LRRC63: variants seen among roughly 807,000 people sequenced by gnomAD.
The protein encoded by LRRC63 is leucine rich repeat containing 63.
Under a neutral mutation model 49.5 loss-of-function variants are expected in LRRC63, and 40 were observed. The observed-to-expected ratio is 0.81, with a 90% CI of 0.63 to 1.05. The LOEUF is 1.05. LRRC63 is among the 50% of genes least tolerant of loss of function. The pLI, the probability that LRRC63 is intolerant of heterozygous loss-of-function variation, is 0.00. For synonymous variants in LRRC63, 191 were observed against 221.1 expected (o/e 0.86, Z 1.21); for missense variants, 636 against 663.1 (o/e 0.96, Z 0.45).
rs1235161228 is a variant in LRRC63, at chr13:46,264,436, A to AG, written c.1311-2297_1311-2296insG. On this transcript the variant is annotated intron_variant, in intron 8 of 9. Transcript: ENST00000595396. ...CCTCATGGTTTTTATTTATTTATTT[A>AG]TTTAGTTAGTTAGTTAGTTTTGAAT... Among the ~76,000 whole-genome samples, 519 of 149,050 alleles carry AG rather than the reference A, an allele frequency of 3.5e-3. 5 individuals are homozygous for AG. The highest frequency in any genetic ancestry group is 0.012 in the African/African-American group (476 of 38,978).
chr13:46,256,936 A>C (rs1575728), intron 7 of LRRC63, among the ~76,000 whole-genome samples: 53,083 of 152,050 alleles, frequency 0.35, 9,946 homozygotes, highest in African/African-American at 0.48. Flanking sequence ...AATATGTTAT[A>C]TTACATGGCA....
At chr13:46,274,004 A>G (rs1269657724) in intron 9 of LRRC63, among the ~76,000 whole-genome samples, 1 of 152,114 alleles carries the variant, frequency 6.6e-6, no homozygotes, top group Non-Finnish European at 1.5e-5. Flanking sequence ...ATGCATTGGA[A>G]GTTTTTTTCT....
At chr13:46,242,477 G>GA (rs199736531) in intron 5 of LRRC63, among the ~76,000 whole-genome samples, 59 of 151,296 alleles carry the variant, frequency 3.9e-4, no homozygotes, top group African/African-American at 1.1e-3. Context: ...GCTAAATTTA[G>GA]AAAAAAAAGA....
chr13:46,274,212 T>G (rs2047800126), intron 9 of LRRC63, among the ~76,000 whole-genome samples: 1 of 152,058 alleles, frequency 6.6e-6, no homozygotes, highest in South Asian at 2.1e-4. Context: ...GAGGTAAAAT[T>G]AACATACCTA....
At chr13:46,213,755 C>T (rs2046165851) in intron 2 of LRRC63, among the ~76,000 whole-genome samples, 1 of 152,054 alleles carries the variant, frequency 6.6e-6, no homozygotes, top group Admixed American at 6.6e-5. Flanking sequence ...AAATATAAAA[C>T]AAAATTAGTG....
intron 4 of LRRC63, among the ~76,000 whole-genome samples, chr13:46,232,324 TGCTA>T (rs1262859498): frequency 2.0e-5 from 3 of 152,210 alleles, no homozygotes; most frequent in Non-Finnish European, 4.4e-5. Flanking sequence ...ACTCCAAGGT[TGCTA>T]GCTAATTGTA....
chr13:46,233,082 G>A (rs757978199), intron 4 of LRRC63, among the ~76,000 whole-genome samples: 70 of 152,020 alleles, frequency 4.6e-4, no homozygotes, highest in Non-Finnish European at 7.4e-4. Context: ...ATTAACTTCC[G>A]GGTGTCTTCC....
intron 5 of LRRC63, among the ~76,000 whole-genome samples, chr13:46,239,507 C>T (rs1258791318): frequency 1.3e-5 from 2 of 152,074 alleles, no homozygotes; most frequent in Admixed American, 6.6e-5. Flanking sequence ...AGCCCACCAA[C>T]CAAAAAAAGC....
At chr13:46,230,605 C>T (rs565699319) in intron 4 of LRRC63, among the ~76,000 whole-genome samples, 1 of 152,246 alleles carries the variant, frequency 6.6e-6, no homozygotes, top group African/African-American at 2.4e-5. Flanking sequence ...GGAGGGGCTG[C>T]CACAATGGTC....
In LRRC63 at chr13:46,226,571, A is replaced by G. The variant is rs983529500; in HGVS notation, c.86-941A>G. On this transcript the variant is annotated intron_variant, in intron 2 of 9. Coordinates refer to ENST00000595396, the Ensembl canonical transcript of LRRC63. Reference sequence around the variant, plus strand: ...AGATGTTACTTTCTCCTTGTGGCATATATTCCTCTTCTCTATAAAAAGTCT... The same window carrying G: ...AGATGTTACTTTCTCCTTGTGGCATGTATTCCTCTTCTCTATAAAAAGTCT... Among the ~76,000 whole-genome samples the G allele has an allele frequency of 7.2e-5, 11 of 152,136 alleles. 1 individual carries two copies. The highest frequency in any genetic ancestry group is 4.1e-4 in the South Asian group (2 of 4,834).
At chr13:46,231,804 C>A (rs972248059) in intron 4 of LRRC63, among the ~76,000 whole-genome samples, 7 of 150,678 alleles carry the variant, frequency 4.6e-5, no homozygotes, top group Non-Finnish European at 1.0e-4. Context: ...CCGCACCTGG[C>A]CTGCCACACA....
chr13:46,242,152 A>C (rs1038702172), intron 5 of LRRC63, among the ~76,000 whole-genome samples: 1 of 152,212 alleles, frequency 6.6e-6, no homozygotes, highest in African/African-American at 2.4e-5. Flanking sequence ...GAACATGAGC[A>C]TGTCTTTTGT....
At chr13:46,269,631 T>G (rs1156698982) in intron 9 of LRRC63, among the ~76,000 whole-genome samples, 5 of 151,684 alleles carry the variant, frequency 3.3e-5, no homozygotes, top group African/African-American at 4.9e-5. Flanking sequence ...TAGGCAGACA[T>G]ATCTTAACTG....
chr13:46,265,924 T>C (rs2047678627), intron 8 of LRRC63, among the ~76,000 whole-genome samples: 1 of 152,230 alleles, frequency 6.6e-6, no homozygotes. Context: ...TGATCACATT[T>C]TAATGTTATC....
intron 7 of LRRC63, among the ~76,000 whole-genome samples, chr13:46,253,962 A>G (rs911012679): frequency 5.3e-5 from 8 of 152,194 alleles, no homozygotes; most frequent in African/African-American, 1.9e-4. Flanking sequence ...TCTGTGTTTC[A>G]AATACAGACA....
At position 46,267,080 on chromosome 13, in the gene LRRC63, G is replaced by GAC. The variant is rs200649482; in HGVS notation, c.1550+116_1550+117dup. On this transcript the variant is annotated intron_variant, in intron 9 of 9. Coordinates refer to ENST00000595396, the Ensembl canonical transcript of LRRC63. ...TCACTAACATGCACACATACTCCAT[G>GAC]ACACACACAAAACCATACACACAAT... is the stretch of plus-strand genomic sequence containing the variant. The GAC allele has an allele frequency of 9.3e-3, 9,535 of 1,028,054 alleles. 65 individuals carry two copies. Among genetic ancestry groups the GAC allele is most frequent in the Non-Finnish European group, 0.01 (7,573 of 733,980 alleles). 63.7% of individuals were successfully genotyped at this position (1,028,054 alleles called of 1,614,324 possible). A position where few individuals can be genotyped will look rare whatever the true frequency, so the allele number is the denominator to read the frequency against.
exon 3 of LRRC63, chr13:46,228,027 C>A: frequency 6.4e-7 from 1 of 1,551,072 alleles, no homozygotes. Context: ...TGCAACAGTG[C>A]CAAGCCCTCC....
At chr13:46,255,645 A>AAAAAAAAAAAAAAATATAT (rs1555328641) in intron 7 of LRRC63, among the ~76,000 whole-genome samples, 31 of 129,446 alleles carry the variant, frequency 2.4e-4, no homozygotes, top group African/African-American at 8.4e-4. Flanking sequence ...CCCTGCCTCA[A>AAAAAAAAAAAAAAATATAT]ATATATATAT....
chr13:46,238,602 T>C (rs2138461286), intron 5 of LRRC63, among the ~76,000 whole-genome samples: 1 of 152,304 alleles, frequency 6.6e-6, no homozygotes, highest in South Asian at 2.1e-4. Context: ...GGAACTGCCC[T>C]TTATAAAACC....
Sources: gnomAD v4.1 joint callset for allele counts (sites outside exome capture counted in the v4.1 genomes callset) on GRCh38, gnomAD v4.1.1 for gene constraint, MANE v1.5 for transcripts, NCBI Gene and HGNC (gene_info 2026-07-23, HGNC 2026-07-21) for gene names.